The following ATP10A variants were observed in gnomAD, a reference collection of about 807,000 sequenced individuals.
ATP10A encodes the protein ATPase phospholipid transporting 10A (putative), also known as phospholipid-transporting ATPase VA.
Under a neutral mutation model 147.8 loss-of-function variants are expected in ATP10A, and 111 were observed. The ratio of observed to expected loss-of-function variants is 0.75; its 90% CI spans 0.64 to 0.88. The LOEUF is 0.88. Ranked by LOEUF, ATP10A falls within the 40% of genes least tolerant of loss-of-function variation. The probability of loss-of-function intolerance (pLI) is 0.00; values close to 1 mark genes in which losing one functional copy is unlikely to be tolerated. For missense variants in ATP10A, 1,927 were observed against 1,959.0 expected (o/e 0.98, Z 0.31); for synonymous variants, 875 against 841.6 (o/e 1.04, Z -0.69).
intron 2 of ATP10A, among the ~76,000 whole-genome samples, chr15:25,736,737 G>C (rs1887308573): frequency 6.6e-6 from 1 of 152,124 alleles, no homozygotes; most frequent in African/African-American, 2.4e-5. Context: ...TCATAAGAAA[G>C]GCTTAGGAGT....
At chr15:25,819,198 C>T (rs938387174) in intron 1 of ATP10A, among the ~76,000 whole-genome samples, 1 of 152,108 alleles carries the variant, frequency 6.6e-6, no homozygotes, top group Non-Finnish European at 1.5e-5. Context: ...GATTAACATC[C>T]AGAATTTACA....
In ATP10A at chr15:25,679,683, C is replaced by T; in HGVS notation, c.4158G>A (p.Glu1386=). ...SMPVREHTLL[E]GLSAPAPMSS... ...ACATGGGGGCCGGTGCGCTCAGCCC[C>T]TCCAGCAGGGTGTGCTCCCTCACTG... Residue 1386 remains glutamate (E), a synonymous_variant, in exon 21 of 21, where the codon GAG becomes GAA. Coordinates refer to ENST00000555815, the MANE Select transcript of ATP10A (RefSeq NM_024490.4). The T allele has an allele frequency of 1.9e-6, 3 of 1,613,298 alleles. No homozygotes were observed. The highest frequency in any genetic ancestry group is 2.2e-5 in the South Asian group (2 of 91,084).
At chr15:25,863,799 C>T (rs895286168), upstream of ATP10A, 2 of 152,232 alleles carry the variant, frequency 1.3e-5, no homozygotes, top group South Asian at 2.1e-4. Flanking sequence ...AGGGCGATTC[C>T]GCGTTGCCTC....
chr15:25,763,682 C>T (rs1471484887), intron 2 of ATP10A, among the ~76,000 whole-genome samples: 1 of 152,226 alleles, frequency 6.6e-6, no homozygotes, highest in African/African-American at 2.4e-5. Context: ...AAATGATTCA[C>T]TCCAGGAAGC....
At chr15:25,738,407 G>C (rs61998563) in intron 2 of ATP10A, 1 of 152,294 alleles carries the variant, frequency 6.6e-6, no homozygotes, top group Non-Finnish European at 1.5e-5. Context: ...TGATGGTTGC[G>C]CAACAATGCG....
chr15:25,807,110 C>T (rs12438316), intron 1 of ATP10A, among the ~76,000 whole-genome samples: 81,978 of 152,136 alleles, frequency 0.54, 23,391 homozygotes, highest in East Asian at 0.8. Context: ...TAAGGAATGG[C>T]TGTGATGGCT....
At chr15:25,856,189 A>C (rs1893508526) in intron 1 of ATP10A, among the ~76,000 whole-genome samples, 1 of 152,146 alleles carries the variant, frequency 6.6e-6, no homozygotes, top group Non-Finnish European at 1.5e-5. Context: ...CCCACGTGTC[A>C]AGGGCAGGAC....
chr15:25,802,795 G>A (rs1890999427), intron 1 of ATP10A, among the ~76,000 whole-genome samples: 1 of 152,160 alleles, frequency 6.6e-6, no homozygotes, highest in Non-Finnish European at 1.5e-5. Context: ...GGCCCACCCA[G>A]ATGATCCAGG....
In ATP10A at chr15:25,773,544, G is replaced by A. The variant is rs144464185; in HGVS notation, c.654+7475C>T. Among the ~76,000 whole-genome samples, 296 of 152,202 alleles carry A rather than the reference G, an allele frequency of 1.9e-3. 1 individual carries two copies. The highest frequency in any genetic ancestry group is 6.8e-3 in the African/African-American group (283 of 41,528). On this transcript the variant is annotated intron_variant, in intron 2 of 20. Coordinates refer to ENST00000555815, the MANE Select transcript of ATP10A (RefSeq NM_024490.4). ...TCACGTAATGCATGGGCTCACAGCA[G>A]GTCCTCAATAGTGAGATTGGAAACT...
chr15:25,694,896 C>T lies in ATP10A; in HGVS notation c.3011G>A (p.Cys1004Tyr). Residue 1004 changes from cysteine to tyrosine, a missense_variant, in exon 14 of 21, where the codon TGT (cysteine) becomes TAT (tyrosine). Coordinates refer to ENST00000555815, the MANE Select transcript of ATP10A (RefSeq NM_024490.4). Reference sequence around the variant, plus strand: ...GCTCTTCTGCAGAGGCGTCGACCGACAGCAGAGGACGGAGCGGCACTGCTT... The same window carrying T: ...GCTCTTCTGCAGAGGCGTCGACCGATAGCAGAGGACGGAGCGGCACTGCTT... ...LAKQCRSVLC[C>Y]RSTPLQKSMV... is the part of the protein sequence containing the mutation. 1 of 1,614,196 alleles carries T rather than the reference C, an allele frequency of 6.2e-7. No homozygotes were observed. Among genetic ancestry groups the T allele is most frequent in the Non-Finnish European group, 8.5e-7 (1 of 1,180,046 alleles).
intron 1 of ATP10A, among the ~76,000 whole-genome samples, chr15:25,822,447 T>C (rs957138624): frequency 1.3e-5 from 2 of 152,160 alleles, no homozygotes; most frequent in African/African-American, 2.4e-5. Context: ...TGCCCTCCCA[T>C]TTCTGCTGGC....
chr15:25,828,440 A>T (rs1160765483), intron 1 of ATP10A, among the ~76,000 whole-genome samples: 2 of 152,234 alleles, frequency 1.3e-5, no homozygotes, highest in African/African-American at 4.8e-5. Flanking sequence ...TACCATACTA[A>T]GTAGGCTCTT....
intron 1 of ATP10A, among the ~76,000 whole-genome samples, chr15:25,785,401 G>A (rs987364993): frequency 2.0e-5 from 3 of 152,188 alleles, no homozygotes; most frequent in South Asian, 2.1e-4. Flanking sequence ...CCCACACCTC[G>A]GTGTCTGACT....
At position 25,713,930 on chromosome 15, in the gene ATP10A, C is replaced by G. The variant is rs549899906; in HGVS notation, c.2088G>C (p.Glu696Asp). 3 of 1,612,270 alleles carry G rather than the reference C, an allele frequency of 1.9e-6. No individual in the cohort carries two copies. The highest frequency in any genetic ancestry group is 1.1e-5 in the South Asian group (1 of 91,080). The stretch of plus-strand genomic sequence containing the variant: ...ACACCAGTGCGGCCTCATCCGGGCT[C>G]TCCGCCTCGTACCGCAGCTCGCGCT... ...ESERELRYEA[E>D]SPDEAALVYA... The change falls in exon 10 of 21, where the codon GAG becomes GAC. Residue 696 changes from glutamate to aspartate, a missense_variant. Glu to Asp is a conservative substitution (Grantham distance 45). Transcript: ENST00000555815.
chr15:25,793,598 C>T (rs958947690), intron 1 of ATP10A, among the ~76,000 whole-genome samples: 2 of 152,216 alleles, frequency 1.3e-5, no homozygotes, highest in East Asian at 1.9e-4. Context: ...AACCCTCTTC[C>T]GCTCCCTGGC....
At chr15:25,711,469 G>T (rs1481641716) in intron 10 of ATP10A, among the ~76,000 whole-genome samples, 1 of 152,088 alleles carries the variant, frequency 6.6e-6, no homozygotes, top group Non-Finnish European at 1.5e-5. Flanking sequence ...GTAACTTCGA[G>T]GGGACTCCAG....
downstream of ATP10A, among the ~76,000 whole-genome samples, chr15:25,672,365 T>C (rs1291011614): frequency 2.6e-5 from 4 of 152,214 alleles, no homozygotes; most frequent in East Asian, 1.9e-4. Context: ...GTAGAGTCCA[T>C]ATTTTTGTTT....
At chr15:25,688,565 C>T (rs2140301921) in intron 15 of ATP10A, among the ~76,000 whole-genome samples, 1 of 151,712 alleles carries the variant, frequency 6.6e-6, no homozygotes, top group South Asian at 2.1e-4. Context: ...TTGAAACCCA[C>T]TGTACAATAA....
chr15:25,813,493 A>G (rs903663873), intron 1 of ATP10A, among the ~76,000 whole-genome samples: 3 of 152,220 alleles, frequency 2.0e-5, no homozygotes, highest in Non-Finnish European at 4.4e-5. Flanking sequence ...TTAGATTTCC[A>G]GTGAAAAAAA....
Sources: gnomAD v4.1 joint callset for allele counts (sites outside exome capture counted in the v4.1 genomes callset) on GRCh38, gnomAD v4.1.1 for gene constraint, MANE v1.5 for transcripts, NCBI Gene and HGNC (gene_info 2026-07-23, HGNC 2026-07-21) for gene names.